The following MLPH variants were observed in gnomAD, a reference collection of about 807,000 sequenced individuals.
The protein encoded by MLPH is exophilin-3.
Under a neutral mutation model 72.1 loss-of-function variants are expected in MLPH, and 51 were observed. The ratio of observed to expected loss-of-function variants is 0.71; its 90% CI spans 0.56 to 0.89. The LOEUF (loss-of-function observed/expected upper bound fraction) is 0.89. MLPH is among the 40% of genes least tolerant of loss of function. The pLI is 0.00. For synonymous variants in MLPH, 301 were observed against 310.1 expected, an observed-to-expected ratio of 0.97 and a Z score of 0.31; for missense variants, 743 against 759.9, an observed-to-expected ratio of 0.98 and a Z score of 0.26.
At position 237,510,416 on chromosome 2, in the gene MLPH, T is replaced by G. The variant is rs975432253; in HGVS notation, c.111-158T>G. 2.1e-5 allele frequency: 17 copies of G among 791,850 alleles called. No individual in the cohort carries two copies. Among genetic ancestry groups the G allele is most frequent in the Admixed American group, 6.2e-5 (3 of 48,334 alleles). 49.1% of individuals were successfully genotyped at this position (791,850 alleles called of 1,614,324 possible). A position where few individuals can be genotyped will look rare whatever the true frequency, so the allele number is the denominator to read the frequency against. ...TCAAAACAAAGATGCCTGTGTGGCT[T>G]TGCCCAACGTTGGGTCACTGTTTTC... On this transcript the variant is annotated intron_variant, in intron 2 of 15. Transcript: ENST00000264605. The surrounding 1 kb of genome is among the most constrained non-coding windows in gnomAD (Gnocchi z 4.4).
Position 237,531,303 on chromosome 2 carries a change from G to A in MLPH, c.1021-3261G>A, listed in dbSNP as rs1294173894. Among the ~76,000 whole-genome samples, 4 of 117,938 alleles carry A rather than the reference G, an allele frequency of 3.4e-5. No individual in the cohort carries two copies. In the East Asian group the frequency reaches 9.2e-4, roughly 27 times the overall value. 77.4% of individuals were successfully genotyped at this position (117,938 alleles called of 152,430 possible). On this transcript the variant is annotated intron_variant, in intron 8 of 15. Coordinates refer to ENST00000264605, the MANE Select transcript of MLPH (RefSeq NM_024101.7). Reference sequence around the variant, plus strand: ...ACCTGTGGATGCAGGGGACAGTGGAGGACTAGGGTGGCCAGGATAGAGACC... The same window carrying A: ...ACCTGTGGATGCAGGGGACAGTGGAAGACTAGGGTGGCCAGGATAGAGACC...
At chr2:237,515,932 A>T (rs1346703754) in intron 4 of MLPH, among the ~76,000 whole-genome samples, 1 of 152,188 alleles carries the variant, frequency 6.6e-6, no homozygotes. Flanking sequence ...GGCAAGGCAG[A>T]GGTGTGGTGT....
intron 2 of MLPH, among the ~76,000 whole-genome samples, chr2:237,498,575 A>C (rs1248330413): frequency 6.6e-6 from 1 of 152,200 alleles, no homozygotes; most frequent in Admixed American, 6.5e-5. Flanking sequence ...CCTCCCTCCA[A>C]GCTGTGCTGT....
chr2:237,497,456 C>T (rs1285516392), intron 2 of MLPH, among the ~76,000 whole-genome samples: 5 of 152,208 alleles, frequency 3.3e-5, no homozygotes, highest in East Asian at 1.9e-4. Context: ...ACAGGTGCCT[C>T]GTGAGCCCCG....
chr2:237,549,425 C>T (rs1050842575), intron 14 of MLPH, 147 bp downstream of exon 14: 107 of 856,752 alleles, frequency 1.2e-4, no homozygotes, highest in Non-Finnish European at 2.0e-4. Context: ...CAGTGCCGCT[C>T]GGGCCACCCT....
upstream of MLPH, chr2:237,487,112 C>A (rs894790052): frequency 2.6e-5 from 4 of 152,240 alleles, no homozygotes; most frequent in Non-Finnish European, 4.4e-5. Flanking sequence ...CGCACTGGCG[C>A]TTCCCGCGCG....
At chr2:237,520,576 C>A (rs1006315133) in intron 6 of MLPH, among the ~76,000 whole-genome samples, 2 of 152,218 alleles carry the variant, frequency 1.3e-5, no homozygotes, top group Non-Finnish European at 2.9e-5. Context: ...AGCTGTGTGG[C>A]CTTTGTCCCT....
intron 1 of MLPH, among the ~76,000 whole-genome samples, chr2:237,491,903 A>G (rs1167651498): frequency 6.6e-6 from 1 of 152,150 alleles, no homozygotes; most frequent in Non-Finnish European, 1.5e-5. Context: ...TGTACAGGCC[A>G]AGGTCCTCTG....
At chr2:237,527,901 G>A (rs1394662983) in intron 8 of MLPH, among the ~76,000 whole-genome samples, 1 of 152,066 alleles carries the variant, frequency 6.6e-6, no homozygotes, top group Non-Finnish European at 1.5e-5. Flanking sequence ...ACAGATGAAT[G>A]GATAAAAAAA....
intron 15 of MLPH, 80 bp downstream of exon 15, chr2:237,552,517 G>T: frequency 8.2e-7 from 1 of 1,218,380 alleles, no homozygotes; most frequent in South Asian, 1.3e-5. Context: ...TAAGTCTTCA[G>T]AGCAAAGAAA....
At chr2:237,539,945 C>T (rs948737587) in intron 9 of MLPH, among the ~76,000 whole-genome samples, 4 of 152,292 alleles carry the variant, frequency 2.6e-5, no homozygotes, top group Admixed American at 6.5e-5. Context: ...AAGCTGGACC[C>T]GACCAAGGCT....
Position 237,552,368 on chromosome 2 carries a change from A to T in MLPH, c.1707A>T (p.Ser569=). ...ATGATGATTCTTTTGATCGGAAATC[A>T]GTGTACCGAGGCTCGCTGACACAGA... ...GKDDDSFDRK[S]VYRGSLTQRN... Residue 569 remains serine, a synonymous_variant, in exon 15 of 16, where the codon TCA becomes TCT. Transcript: ENST00000264605. 1 of 1,614,150 alleles carries T rather than the reference A, an allele frequency of 6.2e-7. No homozygotes were observed. The highest frequency in any genetic ancestry group is 8.5e-7 in the Non-Finnish European group (1 of 1,179,996).
At position 237,525,716 on chromosome 2, in the gene MLPH, G is replaced by C; in HGVS notation, c.791G>C (p.Ser264Thr). The change falls in exon 7 of 16, where the codon AGC (serine) becomes ACC (threonine). Residue 264 changes from serine to threonine, a missense_variant. Ser to Thr is a moderately conservative substitution (Grantham distance 58). Transcript: ENST00000264605. ...TCCCATCCGGAAGAGCAGCCGACCA[G>C]CATCTCACCTTCCAGACACGGCGCC... is the stretch of plus-strand genomic sequence containing the variant. The part of the protein sequence containing the change: ...CHSHPEEQPT[S>T]ISPSRHGALA... The C allele has an allele frequency of 6.2e-7, 1 of 1,614,172 alleles. No homozygotes were observed. The highest frequency in any genetic ancestry group is 2.2e-5 in the East Asian group (1 of 44,894).
At position 237,519,829 on chromosome 2, in the gene MLPH, G is replaced by A. The variant is rs757839676; in HGVS notation, c.556-81G>A. 5 of 1,602,644 alleles carry A rather than the reference G, an allele frequency of 3.1e-6. No individual in the cohort carries two copies. In the Admixed American group the frequency reaches 8.3e-5, roughly 27 times the overall value. ...CCGCCCCTCTGGGGGCTGAGTGTGG[G>A]GTTGGGGAGGTGCAGGGTATTTGGT... On this transcript the variant is annotated intron_variant, in intron 5 of 15. Coordinates refer to ENST00000264605, the MANE Select transcript of MLPH (RefSeq NM_024101.7).
intron 15 of MLPH, chr2:237,553,208 G>A: frequency 2.0e-6 from 1 of 487,922 alleles, no homozygotes. Context: ...AGTCTGGTTG[G>A]TTGCGGGAGG....
intron 12 of MLPH, among the ~76,000 whole-genome samples, chr2:237,544,452 G>GA (rs1233273019): frequency 3.7e-5 from 2 of 53,994 alleles, no homozygotes; most frequent in African/African-American, 2.9e-4. Flanking sequence ...GTAGTGAGTG[G>GA]GGGGACAGTA....
rs547516150 is a variant in MLPH, at chr2:237,547,204, G to A, written c.1617+521G>A. On this transcript the variant is annotated intron_variant, in intron 13 of 15. Coordinates refer to ENST00000264605, the MANE Select transcript of MLPH (RefSeq NM_024101.7). The stretch of plus-strand genomic sequence containing the variant: ...CTTCTTCCATCTGGGAGACATAGGC[G>A]CTGGCTGCCAGAGGTGAAAACACTC... Among the ~76,000 whole-genome samples the A allele has an allele frequency of 2.3e-4, 35 of 152,368 alleles. No individual in the cohort carries two copies. The East Asian group carries it at 6.2e-3, about 27-fold the overall frequency.
intron 11 of MLPH, 41 bp from the exon 12 acceptor site, chr2:237,542,526 G>A: frequency 6.7e-7 from 1 of 1,497,574 alleles, no homozygotes. Context: ...GGGATCTCGA[G>A]CGTCTGTCTG....
intron 8 of MLPH, among the ~76,000 whole-genome samples, chr2:237,528,246 T>G (rs2080345628): frequency 6.6e-6 from 1 of 152,108 alleles, no homozygotes; most frequent in Non-Finnish European, 1.5e-5. Flanking sequence ...ACCTTAAAAA[T>G]GGATAAAAGG....
Sources: allele counts gnomAD v4.1 joint callset (sites outside exome capture counted in the v4.1 genomes callset), GRCh38; gene constraint gnomAD v4.1.1; non-coding constraint Gnocchi (gnomAD v3.1); transcripts MANE v1.5; gene names NCBI Gene and HGNC (gene_info 2026-07-23, HGNC 2026-07-21).